Variants in GLB1L3 observed in about 807,000 individuals in gnomAD.
GLB1L3 encodes the protein galactosidase beta 1 like 3.
GLB1L3 carries 89 observed loss-of-function variants against 89.5 expected under a neutral mutation model. That is an observed-to-expected ratio of 0.99 (90% CI 0.84 to 1.19). The LOEUF (loss-of-function observed/expected upper bound fraction) is 1.19. Among genes scored for constraint, GLB1L3 ranks in the 50% most tolerant of loss-of-function variants. The pLI is 0.00. For missense variants in GLB1L3, 812 were observed against 813.3 expected, an observed-to-expected ratio of 1.00 and a Z score of 0.02; for synonymous variants, 314 against 312.3, an observed-to-expected ratio of 1.01 and a Z score of -0.06.
At chr11:134,317,309 A>G (rs1943027114) in intron 18 of GLB1L3, among the ~76,000 whole-genome samples, 1 of 152,160 alleles carries the variant, frequency 6.6e-6, no homozygotes, top group Admixed American at 6.5e-5. Context: ...AGCATTTTAA[A>G]TATATCGGTC....
chr11:134,288,857 T>C lies in GLB1L3; in HGVS notation c.696T>C (p.Asn232=). 6.2e-7 allele frequency: 1 copy of C among 1,613,154 alleles called. No individual in the cohort carries two copies. Among genetic ancestry groups the C allele is most frequent in the Non-Finnish European group, 8.5e-7 (1 of 1,179,540 alleles). The part of the protein sequence containing the change: ...VQVENEYGSF[N]KDKTYMPYLH... ...TGGAGAATGAGTATGGCTCATTCAA[T>C]AAGGATAAAACATACATGCCGTATC... The change falls in exon 7 of 20, where the codon AAT becomes AAC. Residue 232 remains asparagine (N), a synonymous_variant. Transcript: ENST00000431683.
At chr11:134,303,879 G>A (rs1285480460) in intron 9 of GLB1L3, among the ~76,000 whole-genome samples, 1 of 151,988 alleles carries the variant, frequency 6.6e-6, no homozygotes, top group Non-Finnish European at 1.5e-5. Context: ...GTCTCTTCCC[G>A]GCTCTGAATT....
At chr11:134,308,610 C>CCATCACCATCATCACCAT (rs1313027530) in intron 10 of GLB1L3, among the ~76,000 whole-genome samples, 13 of 144,136 alleles carry the variant, frequency 9.0e-5, no homozygotes, top group Non-Finnish European at 1.4e-4. Flanking sequence ...TCCACCACCA[C>CCATCACCATCATCACCAT]CACCACTATC....
downstream of GLB1L3, among the ~76,000 whole-genome samples, chr11:134,319,910 G>A (rs979330678): frequency 5.3e-5 from 8 of 152,204 alleles, no homozygotes; most frequent in Middle Eastern, 3.4e-3. Flanking sequence ...CTTCAGACAC[G>A]TGTGACAACA....
chr11:134,323,360 A>AAC (rs772326923), downstream of GLB1L3, among the ~76,000 whole-genome samples: 3 of 150,222 alleles, frequency 2.0e-5, no homozygotes, highest in Non-Finnish European at 4.4e-5. Flanking sequence ...GTCTCTACTA[A>AAC]ACACACACAC....
chr11:134,315,215 A>T (rs941193012), intron 18 of GLB1L3, among the ~76,000 whole-genome samples: 8 of 151,966 alleles, frequency 5.3e-5, no homozygotes, highest in African/African-American at 1.7e-4. Flanking sequence ...ACATTATAAT[A>T]ATTTATTTAA....
chr11:134,318,591 G>A, intron 18 of GLB1L3, 40 bp from the exon 19 acceptor site: 1 of 1,311,390 alleles, frequency 7.6e-7, no homozygotes, highest in Non-Finnish European at 1.1e-6. Context: ...CCTTGCTAAT[G>A]TGAACCAATT....
At chr11:134,302,966 A>G (rs907304279) in intron 9 of GLB1L3, among the ~76,000 whole-genome samples, 11 of 152,154 alleles carry the variant, frequency 7.2e-5, no homozygotes, top group Non-Finnish European at 1.6e-4. Context: ...CTACCAGTAG[A>G]CCTTAGTATT....
chr11:134,276,308 T>TCG (rs1163216775), upstream of GLB1L3: 1 of 164,258 alleles, frequency 6.1e-6, no homozygotes, highest in Non-Finnish European at 1.3e-5. Context: ...CCGTTTCCAG[T>TCG]CGCGCGCGCG....
At chr11:134,290,360 G>T (rs1941279311) in intron 7 of GLB1L3, among the ~76,000 whole-genome samples, 1 of 152,098 alleles carries the variant, frequency 6.6e-6, no homozygotes, top group Non-Finnish European at 1.5e-5. Flanking sequence ...ATCACCTGAG[G>T]TCAGGAGTTC....
intron 9 of GLB1L3, among the ~76,000 whole-genome samples, chr11:134,298,174 T>C (rs1277655335): frequency 6.6e-6 from 1 of 152,120 alleles, no homozygotes; most frequent in African/African-American, 2.4e-5. Flanking sequence ...TTTCTTAAAA[T>C]TTATCCTGCT....
rs1942777881 is a variant in GLB1L3 at position 134,312,438 on chromosome 11, G to T, written c.1377G>T (p.Lys459Asn). ...GQSYGLVLYE[K>N]SICSGGRLRA... The stretch of plus-strand genomic sequence containing the variant: ...CCTACGGGCTTGTCCTGTATGAGAA[G>T]TCCATCTGCTCCGGAGGCCGCCTCC... The change falls in exon 14 of 20, where the codon AAG becomes AAT. Residue 459 changes from lysine (K) to asparagine (N), a missense_variant. Lys to Asn is a moderately conservative substitution (Grantham distance 94). Coordinates refer to ENST00000431683, the MANE Select transcript of GLB1L3 (RefSeq NM_001080407.3). 1 of 1,613,656 alleles carries T rather than the reference G, an allele frequency of 6.2e-7. No homozygotes were observed. The highest frequency in any genetic ancestry group is 8.5e-7 in the Non-Finnish European group (1 of 1,179,892).
At chr11:134,312,926 C>T (rs1591591454) in intron 15 of GLB1L3, 39 bp downstream of exon 15, 1 of 1,354,904 alleles carries the variant, frequency 7.4e-7, no homozygotes, top group Non-Finnish European at 1.0e-6. Flanking sequence ...CCTCGACCCC[C>T]CTCAAATGCA....
At chr11:134,312,240 T>C in intron 13 of GLB1L3, 109 bp from the exon 14 acceptor site, 1 of 1,247,414 alleles carries the variant, frequency 8.0e-7, no homozygotes, top group Admixed American at 2.1e-5. Flanking sequence ...CATTTCCCAT[T>C]TGAAGAACCC....
chr11:134,312,963 GC>G (rs1313633919), intron 15 of GLB1L3, 76 bp downstream of exon 15: 36 of 986,370 alleles, frequency 3.6e-5, no homozygotes, highest in Middle Eastern at 4.2e-4. Context: ...GAGACAGTCA[GC>G]CTCCCTTCTC....
chr11:134,304,397 C>T (rs1942088166), intron 9 of GLB1L3, among the ~76,000 whole-genome samples: 1 of 152,124 alleles, frequency 6.6e-6, no homozygotes, highest in Admixed American at 6.5e-5. Flanking sequence ...TTGATCATAT[C>T]TTTAAATATG....
At chr11:134,317,230 C>T (rs1011640914) in intron 18 of GLB1L3, 10 of 152,230 alleles carry the variant, frequency 6.6e-5, no homozygotes, top group Non-Finnish European at 5.9e-5. Flanking sequence ...AAGTCTTTAT[C>T]TCTTATTCAT....
chr11:134,291,760 AG>A (rs1941374052), intron 7 of GLB1L3, among the ~76,000 whole-genome samples: 1 of 152,178 alleles, frequency 6.6e-6, no homozygotes. Context: ...GGCTCACTTC[AG>A]GCCAGGAGTT....
intron 9 of GLB1L3, among the ~76,000 whole-genome samples, chr11:134,293,536 C>T (rs984839036): frequency 1.4e-4 from 22 of 152,054 alleles, no homozygotes; most frequent in African/African-American, 3.9e-4. Flanking sequence ...CGGAGGCCTC[C>T]CAGGGAGTTC....
Sources: gnomAD v4.1 joint callset for allele counts (sites outside exome capture counted in the v4.1 genomes callset) on GRCh38, gnomAD v4.1.1 for gene constraint, MANE v1.5 for transcripts, NCBI Gene and HGNC (gene_info 2026-07-23, HGNC 2026-07-21) for gene names.